LUZP1: variants seen among roughly 807,000 people sequenced by gnomAD.
LUZP1 encodes the protein filamin mechanobinding actin cross-linking protein.
In LUZP1, 25 loss-of-function variants were observed where a neutral mutation model predicts 71.3. The ratio of observed to expected loss-of-function variants is 0.35; its 90% CI spans 0.26 to 0.49. The LOEUF is 0.49. Among genes scored for constraint, LUZP1 ranks in the 20% least tolerant of loss-of-function variants. The probability of loss-of-function intolerance (pLI) is 0.99; values close to 1 mark genes in which losing one functional copy is unlikely to be tolerated. For synonymous variants in LUZP1, 481 were observed against 506.4 expected, an observed-to-expected ratio of 0.95 and a Z score of 0.67; for missense variants, 1,142 against 1,300.8, an observed-to-expected ratio of 0.88 and a Z score of 1.88.
intron 2 of LUZP1, among the ~76,000 whole-genome samples, chr1:23,131,630 T>G (rs1469577404): frequency 6.6e-6 from 1 of 152,174 alleles, no homozygotes; most frequent in Non-Finnish European, 1.5e-5. Flanking sequence ...AATACTGTAG[T>G]TCTCCTCAGG....
intron 3 of LUZP1, among the ~76,000 whole-genome samples, chr1:23,103,897 A>AG (rs1290616124): frequency 7.2e-4 from 2 of 2,780 alleles, no homozygotes; most frequent in African/African-American, 3.0e-3. Flanking sequence ...GGAGAGAGGG[A>AG]GGGAGGGGGG....
chr1:23,113,826 G>A (rs556261624), intron 2 of LUZP1, among the ~76,000 whole-genome samples: 1 of 151,828 alleles, frequency 6.6e-6, no homozygotes, highest in African/African-American at 2.4e-5. Context: ...CTTGCAGTGA[G>A]CCGAGATTCA....
intron 2 of LUZP1, among the ~76,000 whole-genome samples, chr1:23,145,929 A>G (rs1035577892): frequency 1.3e-5 from 2 of 152,214 alleles, no homozygotes; most frequent in African/African-American, 4.8e-5. Context: ...ATGTAATGAA[A>G]ATTATGTTAG....
chr1:23,141,714 A>T (rs576929875), intron 2 of LUZP1, among the ~76,000 whole-genome samples: 1 of 152,080 alleles, frequency 6.6e-6, no homozygotes, highest in Admixed American at 6.6e-5. Context: ...CAGGGTCCCA[A>T]TGTCCCCCAG....
chr1:23,134,140 T>C (rs978661175), intron 2 of LUZP1, among the ~76,000 whole-genome samples: 3 of 152,148 alleles, frequency 2.0e-5, no homozygotes, highest in African/African-American at 7.2e-5. Flanking sequence ...CTGAAAATAG[T>C]ATCTAGCTCT....
intron 3 of LUZP1, among the ~76,000 whole-genome samples, chr1:23,103,107 A>C (rs1412704059): frequency 6.9e-6 from 1 of 145,466 alleles, no homozygotes; most frequent in Non-Finnish European, 1.5e-5. Flanking sequence ...AATTTTTCTC[A>C]TTTTTTTTTT....
chr1:23,091,289 T>G, exon 4 of LUZP1: 1 of 1,614,040 alleles, frequency 6.2e-7, no homozygotes, highest in Non-Finnish European at 8.5e-7. Context: ...TTTGGGTCCT[T>G]CTGGAGGAGG....
At chr1:23,110,453 A>G (rs1046978074) in intron 2 of LUZP1, among the ~76,000 whole-genome samples, 1 of 152,146 alleles carries the variant, frequency 6.6e-6, no homozygotes, top group East Asian at 1.9e-4. Context: ...GCTTTTGTAC[A>G]TGATCTTACA....
chr1:23,149,079 TAAAAAAAAAAAAAA>T (rs58910170), intron 2 of LUZP1, among the ~76,000 whole-genome samples: 2 of 37,408 alleles, frequency 5.3e-5, no homozygotes, highest in South Asian at 1.2e-3. Flanking sequence ...ACACCTTGCC[TAAAAAAAAAAAAAA>T]AAAAAAAAAA....
At chr1:23,160,159 G>A (rs927800524) in intron 2 of LUZP1, among the ~76,000 whole-genome samples, 1 of 152,088 alleles carries the variant, frequency 6.6e-6, no homozygotes, top group Non-Finnish European at 1.5e-5. Flanking sequence ...AATCAACTAA[G>A]TTGCTACTAA....
chr1:23,160,535 T>C (rs1644455879), intron 2 of LUZP1, among the ~76,000 whole-genome samples: 1 of 152,228 alleles, frequency 6.6e-6, no homozygotes, highest in African/African-American at 2.4e-5. Context: ...ATAGTCTCTA[T>C]ATCGCCGGAA....
chr1:23,147,999 T>C (rs1644356636), intron 2 of LUZP1, among the ~76,000 whole-genome samples: 1 of 152,198 alleles, frequency 6.6e-6, no homozygotes, highest in African/African-American at 2.4e-5. Flanking sequence ...CAAACCCTTA[T>C]CTCTTAATAT....
intron 2 of LUZP1, among the ~76,000 whole-genome samples, chr1:23,149,252 G>A (rs1025542305): frequency 6.6e-6 from 1 of 152,006 alleles, no homozygotes; most frequent in Non-Finnish European, 1.5e-5. Context: ...GAGAGGAAGA[G>A]AAAACAGGAA....
intron 2 of LUZP1, among the ~76,000 whole-genome samples, chr1:23,134,735 A>T (rs1188809179): frequency 2.6e-5 from 4 of 152,178 alleles, no homozygotes; most frequent in Admixed American, 1.3e-4. Flanking sequence ...CTGAGCCATG[A>T]TCAGGCCACT....
At chr1:23,167,605 C>A (rs966754671) in intron 2 of LUZP1, among the ~76,000 whole-genome samples, 23 of 152,216 alleles carry the variant, frequency 1.5e-4, no homozygotes, top group Admixed American at 1.5e-3. Flanking sequence ...CCGAAACAAG[C>A]CACAACAAGC....
intron 2 of LUZP1, among the ~76,000 whole-genome samples, chr1:23,131,203 G>C (rs1433506176): frequency 9.3e-6 from 1 of 108,018 alleles, no homozygotes; most frequent in Non-Finnish European, 1.7e-5. Context: ...CCGGGCAACA[G>C]AGTGAGACTC....
exon 5 of LUZP1, chr1:23,084,986 T>C (rs1470666921): frequency 1.3e-5 from 2 of 152,646 alleles, no homozygotes; most frequent in African/African-American, 4.8e-5. Flanking sequence ...GGGAGCTTTA[T>C]TGGTTACATA....
At chr1:23,097,920 G>C (rs916838009) in intron 3 of LUZP1, among the ~76,000 whole-genome samples, 5 of 152,154 alleles carry the variant, frequency 3.3e-5, no homozygotes, top group African/African-American at 1.2e-4. Context: ...ATTTGTAGAG[G>C]GACAGCATTA....
At chr1:23,151,929 G>C (rs1189729578) in intron 2 of LUZP1, among the ~76,000 whole-genome samples, 1 of 151,264 alleles carries the variant, frequency 6.6e-6, no homozygotes, top group Non-Finnish European at 1.5e-5. Context: ...TTGAACCCAG[G>C]AGGCGGAGGT....
Sources: gnomAD v4.1 joint callset for allele counts (sites outside exome capture counted in the v4.1 genomes callset) on GRCh38, gnomAD v4.1.1 for gene constraint, MANE v1.5 for transcripts, NCBI Gene and HGNC (gene_info 2026-07-23, HGNC 2026-07-21) for gene names.